Variants in RIPOR2 observed in about 807,000 individuals in gnomAD.
The protein encoded by RIPOR2 is rho family-interacting cell polarization regulator 2.
RIPOR2 carries 39 observed loss-of-function variants against 114.5 expected under a neutral mutation model. That is an observed-to-expected ratio of 0.34 (90% CI 0.26 to 0.44). The LOEUF (loss-of-function observed/expected upper bound fraction) is 0.44, where lower values mean the gene tolerates loss of function less well. Ranked by LOEUF, RIPOR2 falls within the 20% of genes least tolerant of loss-of-function variation. RIPOR2 has a pLI of 1.00. For missense variants in RIPOR2, 1,007 were observed against 1,255.1 expected, an observed-to-expected ratio of 0.80 and a Z score of 2.99; for synonymous variants, 445 against 484.4, an observed-to-expected ratio of 0.92 and a Z score of 1.07.
intron 9 of RIPOR2, 84 bp downstream of exon 9, chr6:24,852,491 C>A: frequency 9.4e-7 from 1 of 1,068,010 alleles, no homozygotes; most frequent in Non-Finnish European, 1.4e-6. Flanking sequence ...AAAAAGACAA[C>A]TTGAAAAGCA....
intron 1 of RIPOR2, among the ~76,000 whole-genome samples, chr6:25,009,922 G>A (rs1775710528): frequency 6.6e-6 from 1 of 152,178 alleles, no homozygotes; most frequent in Non-Finnish European, 1.5e-5. Flanking sequence ...GCCCTGTGGT[G>A]TGGCATGAGG....
intron 1 of RIPOR2, among the ~76,000 whole-genome samples, chr6:25,012,580 A>G (rs952486179): frequency 1.4e-4 from 22 of 152,220 alleles, no homozygotes; most frequent in Non-Finnish European, 1.9e-4. Flanking sequence ...CTACAAAATA[A>G]ATTAGCTTTA....
At chr6:24,829,812 T>A (rs150280799) in intron 17 of RIPOR2, among the ~76,000 whole-genome samples, 2 of 152,172 alleles carry the variant, frequency 1.3e-5, no homozygotes, top group Non-Finnish European at 2.9e-5. Flanking sequence ...TATTTAGGAA[T>A]GAATGTGCTG....
intron 1 of RIPOR2, among the ~76,000 whole-genome samples, chr6:25,022,531 C>CTTTT (rs1561848668): frequency 1.5e-4 from 10 of 64,526 alleles, no homozygotes; most frequent in East Asian, 3.7e-4. Flanking sequence ...TGGTACCTTC[C>CTTTT]ATTTTTTTTT....
At chr6:24,962,989 C>T (rs1370505345) in intron 1 of RIPOR2, among the ~76,000 whole-genome samples, 1 of 152,134 alleles carries the variant, frequency 6.6e-6, no homozygotes, top group East Asian at 1.9e-4. Flanking sequence ...TGTGTCTATC[C>T]CTTTCTTTGA....
At chr6:24,951,186 T>C (rs1772734424) in intron 1 of RIPOR2, among the ~76,000 whole-genome samples, 1 of 152,138 alleles carries the variant, frequency 6.6e-6, no homozygotes, top group South Asian at 2.1e-4. Context: ...GTCAGGGTGA[T>C]CGGAACACTC....
intron 1 of RIPOR2, among the ~76,000 whole-genome samples, chr6:25,012,152 CAAGG>C (rs1775799416): frequency 6.6e-6 from 1 of 151,966 alleles, no homozygotes; most frequent in Non-Finnish European, 1.5e-5. Context: ...CATATGTCAT[CAAGG>C]AAATAGAAAT....
At chr6:24,906,632 C>T (rs1226088125) in intron 1 of RIPOR2, among the ~76,000 whole-genome samples, 1 of 152,116 alleles carries the variant, frequency 6.6e-6, no homozygotes, top group Non-Finnish European at 1.5e-5. Context: ...AAGGTATAAT[C>T]AATATCTTAC....
intron 1 of RIPOR2, among the ~76,000 whole-genome samples, chr6:24,901,743 G>C (rs767859086): frequency 8.5e-5 from 13 of 152,190 alleles, no homozygotes; most frequent in Non-Finnish European, 1.8e-4. Flanking sequence ...TCCCTCCAGA[G>C]AAACACAGTT....
intron 1 of RIPOR2, among the ~76,000 whole-genome samples, chr6:24,981,354 T>A (rs6456640): frequency 0.52 from 78,370 of 152,092 alleles, 21,656 homozygotes; most frequent in East Asian, 0.79. Flanking sequence ...GAATTCTGAA[T>A]GTAGGGGAGG....
rs534591045 is a variant in RIPOR2, at chr6:25,001,016, A to T, written c.76+40835T>A. ...GATTTTTTTTCAGGTGTAATTAAAG[A>T]TACCATTCCCTAGCGATGTCCTGCT... is the stretch of plus-strand genomic sequence containing the variant. On this transcript the variant is annotated intron_variant, in intron 1 of 13. Coordinates refer to the RIPOR2 transcript ENST00000510784. Among the ~76,000 whole-genome samples the T allele has an allele frequency of 1.8e-4, 27 of 152,322 alleles. No individual in the cohort carries two copies. In the South Asian group the frequency reaches 5.4e-3, roughly 30 times the overall value.
intron 1 of RIPOR2, among the ~76,000 whole-genome samples, chr6:24,978,645 G>C (rs78748841): frequency 4.6e-5 from 7 of 152,078 alleles, no homozygotes; most frequent in African/African-American, 1.7e-4. Flanking sequence ...GTGAATGGAG[G>C]TTGGGAATAT....
At chr6:24,978,952 C>T (rs1345334730) in intron 1 of RIPOR2, among the ~76,000 whole-genome samples, 1 of 152,148 alleles carries the variant, frequency 6.6e-6, no homozygotes, top group Non-Finnish European at 1.5e-5. Flanking sequence ...TGATATAAAC[C>T]TCACCTACTG....
intron 20 of RIPOR2, among the ~76,000 whole-genome samples, chr6:24,811,414 T>G (rs558193791): frequency 8.7e-6 from 1 of 115,050 alleles, no homozygotes; most frequent in East Asian, 2.1e-4. Context: ...TTTTTGTATT[T>G]TTAGTAGAGA....
chr6:24,927,326 TCAC>T (rs71738567), intron 1 of RIPOR2, among the ~76,000 whole-genome samples: 10,992 of 28,664 alleles, frequency 0.38, 1,667 homozygotes, highest in African/African-American at 0.45. Context: ...ACTACCACCA[TCAC>T]CACCACCACC....
chr6:25,005,277 T>C (rs1205747567), intron 1 of RIPOR2, among the ~76,000 whole-genome samples: 1 of 152,180 alleles, frequency 6.6e-6, no homozygotes. Context: ...GGGTTGTCCG[T>C]AGATTTAGAC....
Position 24,820,869 on chromosome 6 carries a change from C to CTTTTTTTT in RIPOR2, c.2869-2252_2869-2245dup, listed in dbSNP as rs34770819. Among the ~76,000 whole-genome samples the CTTTTTTTT allele has an allele frequency of 3.1e-4, 26 of 84,052 alleles. 1 individual carries two copies. The highest frequency in any genetic ancestry group is 0.013 in the Middle Eastern group (1 of 78). The allele number at this position is 84,052 out of a possible 152,430, so 55.1% of individuals were successfully genotyped here. A position where few individuals can be genotyped will look rare whatever the true frequency, so the allele number is the denominator to read the frequency against. On this transcript the variant is annotated intron_variant, in intron 19 of 21. Transcript: ENST00000643898. ...TTGTGTGGACATATGGTTTAACACT[C>CTTTTTTTT]TTTTTTTTTTTTTTTTTTTTTTTGA... is the stretch of plus-strand genomic sequence containing the variant.
At chr6:24,966,839 A>G (rs1218137153) in intron 1 of RIPOR2, among the ~76,000 whole-genome samples, 1 of 152,250 alleles carries the variant, frequency 6.6e-6, no homozygotes, top group East Asian at 1.9e-4. Context: ...ATATATATTT[A>G]TGCTATTATC....
chr6:24,840,712 C>T, intron 13 of RIPOR2: 1 of 1,535,352 alleles, frequency 6.5e-7, no homozygotes, highest in Non-Finnish European at 8.7e-7. Flanking sequence ...TCTCATTCAC[C>T]CTCAGTGATC....
Sources: gnomAD v4.1 joint callset for allele counts (sites outside exome capture counted in the v4.1 genomes callset) on GRCh38, gnomAD v4.1.1 for gene constraint, MANE v1.5 for transcripts, NCBI Gene and HGNC (gene_info 2026-07-23, HGNC 2026-07-21) for gene names.